ZFHX3: variants seen among roughly 807,000 people sequenced by gnomAD.
ZFHX3 encodes the protein zinc finger homeobox 3, also known as zinc finger homeobox protein 3.
Under a neutral mutation model 279.1 loss-of-function variants are expected in ZFHX3, and 42 were observed. The observed-to-expected ratio is 0.15, with a 90% CI of 0.12 to 0.19. ZFHX3 has a LOEUF of 0.19. ZFHX3 is among the 10% of genes least tolerant of loss of function. ZFHX3 has a pLI of 1.00. For missense variants in ZFHX3, 4,981 were observed against 4,754.0 expected (o/e 1.05, Z -1.40); for synonymous variants, 2,293 against 1,957.8 (o/e 1.17, Z -4.52).
At chr16:73,240,068 G>A (rs1235560248) in intron 5 of ZFHX3, among the ~76,000 whole-genome samples, 1 of 150,756 alleles carries the variant, frequency 6.6e-6, no homozygotes, top group Non-Finnish European at 1.5e-5. Context: ...TATACATATA[G>A]TTACTTAACA....
chr16:73,232,882 G>A (rs2012820409), intron 5 of ZFHX3: 1 of 152,120 alleles, frequency 6.6e-6, no homozygotes, highest in Admixed American at 6.6e-5. Context: ...AGTAAACACA[G>A]AGCCGTTCCA....
At chr16:73,505,552 TGG>T (rs2019312253) in intron 2 of ZFHX3, among the ~76,000 whole-genome samples, 1 of 144,034 alleles carries the variant, frequency 6.9e-6, no homozygotes, top group Non-Finnish European at 1.5e-5. Flanking sequence ...TGAAACACAT[TGG>T]AGGAAAAAAA....
At position 72,797,309 on chromosome 16, in the gene ZFHX3, C is replaced by T. The variant is rs2143449283; in HGVS notation, c.5373G>A (p.Gln1791=). 6.2e-7 allele frequency: 1 copy of T among 1,605,646 alleles called. No homozygotes were observed. The highest frequency in any genetic ancestry group is 8.5e-7 in the Non-Finnish European group (1 of 1,175,230). Residue 1791 remains glutamine, a synonymous_variant, in exon 9 of 10, where the codon CAG becomes CAA. Coordinates refer to ENST00000268489, the MANE Select transcript of ZFHX3 (RefSeq NM_006885.4). ...AAGGGAAGAGGAGGTGCTGCTGCTG[C>T]TGTAGTTGCAGCAGGGTCTCAGTTG... ...PMTTETLLQL[Q]QQQHLLFPFY...
intron 2 of ZFHX3, among the ~76,000 whole-genome samples, chr16:73,647,710 G>C (rs973930901): frequency 6.6e-6 from 1 of 151,782 alleles, no homozygotes; most frequent in African/African-American, 2.4e-5. Flanking sequence ...AGATTTTCCA[G>C]TTTAGAGTCA....
chr16:72,830,674 C>T (rs558885699), intron 4 of ZFHX3, among the ~76,000 whole-genome samples: 28 of 152,250 alleles, frequency 1.8e-4, no homozygotes, highest in Non-Finnish European at 3.7e-4. Flanking sequence ...AGTCAAATGT[C>T]GTTCAGCCAA....
chr16:72,793,001 C>T lies in ZFHX3; in HGVS notation c.9427+254G>A, dbSNP rs980517364. 7.2e-5 allele frequency among the ~76,000 whole-genome samples: 11 copies of T among 152,172 alleles called. No homozygotes were observed. The highest frequency in any genetic ancestry group is 2.7e-4 in the African/African-American group (11 of 41,440). ...ATTCCAGAAATTAGTATGCCAGGAC[C>T]CTCAAGTTTTTCCCTATTATAGGGG... is the stretch of plus-strand genomic sequence containing the variant. On this transcript the variant is annotated intron_variant, in intron 9 of 9. Coordinates refer to ENST00000268489, the MANE Select transcript of ZFHX3 (RefSeq NM_006885.4). The surrounding 1 kb of genome is among the most constrained non-coding windows in gnomAD (Gnocchi z 4.3).
At chr16:73,103,818 G>C (rs1299511016) in intron 7 of ZFHX3, among the ~76,000 whole-genome samples, 1 of 152,004 alleles carries the variant, frequency 6.6e-6, no homozygotes, top group Non-Finnish European at 1.5e-5. Context: ...CCTCTTTACA[G>C]AGACATTTTA....
intron 1 of ZFHX3, among the ~76,000 whole-genome samples, chr16:72,985,875 C>T (rs1962818869): frequency 6.6e-6 from 1 of 152,116 alleles, no homozygotes; most frequent in Non-Finnish European, 1.5e-5. Flanking sequence ...GTAATCAATA[C>T]CACTGAGATA....
At chr16:73,359,631 G>A (rs1019108972) in intron 3 of ZFHX3, among the ~76,000 whole-genome samples, 1 of 152,194 alleles carries the variant, frequency 6.6e-6, no homozygotes, top group Non-Finnish European at 1.5e-5. Flanking sequence ...CCCATGTGGG[G>A]ATGGAGAGGC....
In ZFHX3 at chr16:72,787,433, TC is replaced by T. The variant is rs763359760; in HGVS notation, c.10842del (p.Lys3615SerfsTer79). 7.1e-7 allele frequency: 1 copy of T among 1,398,978 alleles called. No homozygotes were observed. The highest frequency in any genetic ancestry group is 9.5e-7 in the Non-Finnish European group (1 of 1,048,178). 86.7% of individuals were successfully genotyped at this position (1,398,978 alleles called of 1,614,324 possible). A position where few individuals can be genotyped will look rare whatever the true frequency, so the allele number is the denominator to read the frequency against. Reference sequence around the variant, plus strand: ...CGGGAGACCACTTGCGGCCAAGACTTCCTGGAGGCGTGGGGGGAAGCGGAGG... The same window carrying T: ...CGGGAGACCACTTGCGGCCAAGACTTCTGGAGGCGTGGGGGGAAGCGGAGG... ...APSSASPHAS[R>X]KSWPQVVSRA... On this transcript the variant is annotated frameshift_variant, in exon 10 of 10. Transcript: ENST00000268489. LOFTEE classifies it high-confidence loss of function.
intron 3 of ZFHX3, among the ~76,000 whole-genome samples, chr16:73,320,352 C>A (rs2015551552): frequency 6.6e-6 from 1 of 152,158 alleles, no homozygotes; most frequent in Admixed American, 6.5e-5. Flanking sequence ...TGGCTATAAC[C>A]AATAGCCAAG....
At chr16:73,706,954 C>T (rs1217397551) in intron 1 of ZFHX3, among the ~76,000 whole-genome samples, 1 of 152,116 alleles carries the variant, frequency 6.6e-6, no homozygotes, top group Admixed American at 6.5e-5. Context: ...GTGTATTGCA[C>T]ACAGTAGGAG....
intron 1 of ZFHX3, among the ~76,000 whole-genome samples, chr16:73,713,640 T>TA (rs1233724144): frequency 3.3e-5 from 5 of 150,972 alleles, no homozygotes; most frequent in East Asian, 1.9e-4. Context: ...TTTTTTTTTT[T>TA]TTTATACTCT....
At chr16:73,121,685 G>A (rs188673908) in intron 7 of ZFHX3, among the ~76,000 whole-genome samples, 1 of 149,204 alleles carries the variant, frequency 6.7e-6, no homozygotes, top group East Asian at 2.0e-4. Flanking sequence ...GCTCGATCTC[G>A]GCTCACTGCA....
intron 4 of ZFHX3, among the ~76,000 whole-genome samples, chr16:72,860,852 C>G (rs1003263669): frequency 6.6e-6 from 1 of 152,208 alleles, no homozygotes; most frequent in Non-Finnish European, 1.5e-5. Flanking sequence ...TCGATCTTTG[C>G]GCAAGCCTGG....
chr16:73,366,734 G>C (rs181429877), intron 3 of ZFHX3, among the ~76,000 whole-genome samples: 1 of 152,096 alleles, frequency 6.6e-6, no homozygotes, highest in African/African-American at 2.4e-5. Flanking sequence ...GTGTGTGTGC[G>C]TGCACACTCA....
Position 72,794,021 on chromosome 16 carries a change from TTCATAC to T in ZFHX3, c.8655_8660del (p.Tyr2886_Glu2887del). 2 of 1,614,212 alleles carry T rather than the reference TTCATAC, an allele frequency of 1.2e-6. No individual in the cohort carries two copies. The highest frequency in any genetic ancestry group is 1.7e-6 in the Non-Finnish European group (2 of 1,180,040). ...TGACCAGACCAGATGACAACCGATC[TTCATAC>T]TCAGACATTGCCATCATGGCCGCTT... On this transcript the variant is annotated inframe_deletion, in exon 9 of 10. Coordinates refer to ENST00000268489, the MANE Select transcript of ZFHX3 (RefSeq NM_006885.4). The surrounding 1 kb of genome is among the most constrained non-coding windows in gnomAD (Gnocchi z 4.2).
rs112878641 is a variant in ZFHX3 at position 73,705,305 on chromosome 16, G to C, written c.-1607-25065C>G. Reference sequence around the variant, plus strand: ...CTCCAACCCATCATTACACAGATTCGCCTCAGTCACTGGTTGCAGGAGTCT... The same window carrying C: ...CTCCAACCCATCATTACACAGATTCCCCTCAGTCACTGGTTGCAGGAGTCT... On this transcript the variant is annotated intron_variant, in intron 1 of 17. Transcript: ENST00000641206. Among the ~76,000 whole-genome samples the C allele has an allele frequency of 7.1e-3, 1,073 of 152,154 alleles. 19 individuals are homozygous for C. Among genetic ancestry groups the C allele is most frequent in the African/African-American group, 0.023 (966 of 41,500 alleles).
chr16:73,483,375 C>A (rs1292800357), intron 2 of ZFHX3: 3 of 453,612 alleles, frequency 6.6e-6, no homozygotes, highest in Non-Finnish European at 8.8e-6. Context: ...GAGAGTTCCT[C>A]AAGAGAGCCG....
Sources: allele counts gnomAD v4.1 joint callset (sites outside exome capture counted in the v4.1 genomes callset), GRCh38; gene constraint gnomAD v4.1.1; non-coding constraint Gnocchi (gnomAD v3.1); transcripts MANE v1.5; gene names NCBI Gene and HGNC (gene_info 2026-07-23, HGNC 2026-07-21).